The following KCNC1 variants were observed in gnomAD, a reference collection of about 807,000 sequenced individuals.
KCNC1 encodes the protein voltage-gated potassium channel KCNC1.
A neutral mutation model predicts 43.4 loss-of-function variants in KCNC1; 8 were observed. The observed-to-expected ratio is 0.18, with a 90% CI of 0.11 to 0.33. KCNC1 has a LOEUF of 0.33. Ranked by LOEUF, KCNC1 falls within the 10% of genes least tolerant of loss-of-function variation. The probability of loss-of-function intolerance (pLI) is 1.00; values close to 1 mark genes in which losing one functional copy is unlikely to be tolerated. For missense variants in KCNC1, 420 were observed against 836.0 expected (o/e 0.50, Z 6.14); for synonymous variants, 361 against 360.5 (o/e 1.00, Z -0.01).
rs1565160258 is a variant in KCNC1 at position 17,763,944 on chromosome 11, CA to C, written c.571-7720del. 6.2e-4 allele frequency among the ~76,000 whole-genome samples: 86 copies of C among 139,078 alleles called. 2 individuals are homozygous for C. Among genetic ancestry groups the C allele is most frequent in the Non-Finnish European group, 8.4e-4 (54 of 64,454 alleles). 91.2% of individuals were successfully genotyped at this position (139,078 alleles called of 152,430 possible). The stretch of plus-strand genomic sequence containing the variant: ...ATGCACATATACACGCCCACACACA[CA>C]CACACCCACACACAGCAGCCCACAC... On this transcript the variant is annotated intron_variant, in intron 1 of 3. Transcript: ENST00000265969.
At chr11:17,744,876 G>A (rs527667859) in intron 1 of KCNC1, among the ~76,000 whole-genome samples, 3 of 152,160 alleles carry the variant, frequency 2.0e-5, no homozygotes, top group South Asian at 2.1e-4. Context: ...TGGGAAACTC[G>A]ATTCTTAGAT....
At position 17,781,722 on chromosome 11, in the gene KCNC1, G is replaced by C; in HGVS notation, c.1746G>C (p.Val582=). 5 of 1,551,454 alleles carry C rather than the reference G, an allele frequency of 3.2e-6. No homozygotes were observed. Among genetic ancestry groups the C allele is most frequent in the Non-Finnish European group, 4.4e-6 (5 of 1,146,738 alleles). ...VIAKYMPTEA[V]RVT ...CTAAGTATATGCCGACAGAGGCTGT[G>C]AGAGTGACTTGACCAGGCGGCTTGG... The change falls in exon 4 of 4, where the codon GTG becomes GTC. Residue 582 remains valine (V), a synonymous_variant. Coordinates refer to ENST00000265969, the MANE Select transcript of KCNC1 (RefSeq NM_001112741.2). This position sits in a 1 kb window ranked among gnomAD's most constrained non-coding sequence, Gnocchi z 5.1.
In KCNC1 at chr11:17,772,516, T is replaced by G; in HGVS notation, c.1422T>G (p.Ser474=). The change falls in exon 2 of 4, where the codon TCT becomes TCG. Residue 474 remains serine (S), a synonymous_variant. Transcript: ENST00000265969. ...TGGGATCTCCCAATTATTGTAAATC[T>G]GTCGTAAACTCTCCACACCACAGTA... ...PQLGSPNYCK[S]VVNSPHHSTQ... 1 of 1,614,242 alleles carries G rather than the reference T, an allele frequency of 6.2e-7. No individual in the cohort carries two copies.
Position 17,779,560 on chromosome 11 carries a change from T to A in KCNC1, c.1609T>A (p.Ser537Thr), listed in dbSNP as rs1346560525. 4 of 1,551,428 alleles carry A rather than the reference T, an allele frequency of 2.6e-6. No homozygotes were observed. The highest frequency in any genetic ancestry group is 3.5e-6 in the Non-Finnish European group (4 of 1,146,928). The change falls in exon 3 of 4, where the codon TCG becomes ACG. Residue 537 changes from serine (S) to threonine (T), a missense_variant. Transcript: ENST00000265969. The surrounding 1 kb of genome is among the most constrained non-coding windows in gnomAD (Gnocchi z 7.2). ...TPDEGLPFTR[S>T]GTRERYGPCF... ...CGATGAGGGCCTGCCCTTTACGCGC[T>A]CGGGCACCCGCGAGAGATACGGACC...
intron 1 of KCNC1, among the ~76,000 whole-genome samples, chr11:17,764,289 TCACA>T (rs1479398037): frequency 1.6e-5 from 2 of 125,884 alleles, no homozygotes; most frequent in Non-Finnish European, 3.1e-5. Flanking sequence ...ATACACACAC[TCACA>T]CACACCACTT....
In KCNC1 at chr11:17,781,805, C is replaced by T. The variant is rs763970200; in HGVS notation, c.*71C>T. Reference sequence around the variant, plus strand: ...TGGACCTGCAGCCCCTCCTCACCCTCGGACAGAGTAAATTCACGCCATGCA... The same window carrying T: ...TGGACCTGCAGCCCCTCCTCACCCTTGGACAGAGTAAATTCACGCCATGCA... On this transcript the variant is annotated 3_prime_UTR_variant, in exon 4 of 4. Coordinates refer to ENST00000265969, the MANE Select transcript of KCNC1 (RefSeq NM_001112741.2). The surrounding 1 kb of genome is among the most constrained non-coding windows in gnomAD (Gnocchi z 5.1). 47 of 1,067,824 alleles carry T rather than the reference C, an allele frequency of 4.4e-5. No individual in the cohort carries two copies. The highest frequency in any genetic ancestry group is 9.6e-5 in the South Asian group (7 of 72,628). The allele number at this position is 1,067,824 out of a possible 1,614,324, so 66.1% of individuals were successfully genotyped here. A position where few individuals can be genotyped will look rare whatever the true frequency, so the allele number is the denominator to read the frequency against.
At position 17,777,154 on chromosome 11, in the gene KCNC1, C is replaced by T; in HGVS notation, c.1505-2302C>T. ...GCTGGGAGCCCCCAGGGCCTGGGGG[C>T]TTGTGGACAGAACCAGTGGGCGGGG... On this transcript the variant is annotated intron_variant, in intron 2 of 3. Transcript: ENST00000265969. This position sits in a 1 kb window ranked among gnomAD's most constrained non-coding sequence, Gnocchi z 4.3. The T allele has an allele frequency of 8.1e-6, 8 of 984,794 alleles. No individual in the cohort carries two copies. The highest frequency in any genetic ancestry group is 9.6e-6 in the Non-Finnish European group (8 of 829,722). The allele number at this position is 984,794 out of a possible 1,614,324, so 61.0% of individuals were successfully genotyped here. A position where few individuals can be genotyped will look rare whatever the true frequency, so the allele number is the denominator to read the frequency against.
Position 17,779,654 on chromosome 11 carries a change from G to C in KCNC1, c.1693+10G>C. On this transcript the variant is annotated intron_variant, in intron 3 of 3. Transcript: ENST00000265969. This position sits in a 1 kb window ranked among gnomAD's most constrained non-coding sequence, Gnocchi z 7.2. ...GGAGGAATGAGAAAGGGTATGTAGA[G>C]GAAGCTGGAGCACCGTGCATCGTCC... 6.6e-7 allele frequency: 1 copy of C among 1,521,494 alleles called. No individual in the cohort carries two copies. Among genetic ancestry groups the C allele is most frequent in the South Asian group, 1.2e-5 (1 of 80,288 alleles). 94.2% of individuals were successfully genotyped at this position (1,521,494 alleles called of 1,614,324 possible).
intron 1 of KCNC1, among the ~76,000 whole-genome samples, chr11:17,748,196 G>A (rs935263837): frequency 5.3e-5 from 8 of 152,138 alleles, no homozygotes; most frequent in Non-Finnish European, 7.3e-5. Context: ...GCAGGGAAGC[G>A]TCACTGTGAG....
In KCNC1 at chr11:17,781,574, TC is replaced by T. The variant is rs1234119397; in HGVS notation, c.1694-95del. On this transcript the variant is annotated intron_variant, in intron 3 of 3. Transcript: ENST00000265969. The surrounding 1 kb of genome is among the most constrained non-coding windows in gnomAD (Gnocchi z 5.1). ...TCTGCCTGCCTCTGCATGCGGCTGT[TC>T]TGTCTTTCCTCCTCCTTCTTAAAAA... The T allele has an allele frequency of 2.3e-6, 2 of 880,450 alleles. No individual in the cohort carries two copies. Among genetic ancestry groups the T allele is most frequent in the Non-Finnish European group, 3.7e-6 (2 of 547,842 alleles). 54.5% of individuals were successfully genotyped at this position (880,450 alleles called of 1,614,324 possible).
rs1006015645 is a variant in KCNC1 at position 17,772,078 on chromosome 11, T to C, written c.984T>C (p.Phe328=). The C allele has an allele frequency of 7.4e-6, 12 of 1,613,498 alleles. No homozygotes were observed. Among genetic ancestry groups the C allele is most frequent in the African/African-American group, 4.0e-5 (3 of 74,938 alleles). ...ILRIFKLTRH[F]VGLRVLGHTL... ...GCATCTTTAAGCTGACCCGCCACTT[T>C]GTGGGCCTGCGGGTCCTGGGCCACA... The change falls in exon 2 of 4, where the codon TTT becomes TTC. Residue 328 remains phenylalanine, a synonymous_variant. Coordinates refer to ENST00000265969, the MANE Select transcript of KCNC1 (RefSeq NM_001112741.2).
chr11:17,740,053 G>A (rs1242207543), intron 1 of KCNC1, among the ~76,000 whole-genome samples: 1 of 152,194 alleles, frequency 6.6e-6, no homozygotes, highest in Non-Finnish European at 1.5e-5. Flanking sequence ...GACGGGTGGT[G>A]AGGTCACCTT....
At chr11:17,747,388 G>A (rs887812684) in intron 1 of KCNC1, among the ~76,000 whole-genome samples, 12 of 152,192 alleles carry the variant, frequency 7.9e-5, no homozygotes, top group Admixed American at 2.0e-4. Flanking sequence ...AGGGAGGGCC[G>A]CTGACATCAG....
chr11:17,761,382 GT>G (rs746726170), intron 1 of KCNC1, among the ~76,000 whole-genome samples: 8 of 152,254 alleles, frequency 5.3e-5, no homozygotes, highest in Non-Finnish European at 7.3e-5. Flanking sequence ...GATGTTTGTT[GT>G]TTGTGCAGGG....
chr11:17,740,493 G>T (rs141876024), intron 1 of KCNC1, among the ~76,000 whole-genome samples: 1 of 152,192 alleles, frequency 6.6e-6, no homozygotes, highest in African/African-American at 2.4e-5. Context: ...GGGCTGCCTG[G>T]CTTGAAACCT....
At chr11:17,778,469 C>T (rs1052908108) in intron 2 of KCNC1, among the ~76,000 whole-genome samples, 23 of 152,258 alleles carry the variant, frequency 1.5e-4, no homozygotes, top group Admixed American at 1.1e-3. Context: ...ATGGGAGCCC[C>T]TCCCAAATCC....
rs184062581 is a variant in KCNC1 at position 17,736,990 on chromosome 11, C to G, written c.570+418C>G. 2.5e-3 allele frequency among the ~76,000 whole-genome samples: 381 copies of G among 152,270 alleles called. No homozygotes were observed. Among genetic ancestry groups the G allele is most frequent in the Non-Finnish European group, 4.4e-3 (302 of 68,036 alleles). The stretch of plus-strand genomic sequence containing the variant: ...GCACTGTCAAAGTATGGACTGCTCT[C>G]GAGATTTCAGTGTGGGGAGGGAAGC... On this transcript the variant is annotated intron_variant, in intron 1 of 3. Transcript: ENST00000265969. This position sits in a 1 kb window ranked among gnomAD's most constrained non-coding sequence, Gnocchi z 9.3.
chr11:17,761,688 C>T (rs1440663865), intron 1 of KCNC1, among the ~76,000 whole-genome samples: 5 of 152,306 alleles, frequency 3.3e-5, no homozygotes, highest in South Asian at 4.1e-4. Context: ...TACCGTGGTC[C>T]GTTAAGCATC....
Position 17,776,726 on chromosome 11 carries a change from A to T in KCNC1, c.1505-2730A>T. On this transcript the variant is annotated intron_variant, in intron 2 of 3. Transcript: ENST00000265969. This position sits in a 1 kb window ranked among gnomAD's most constrained non-coding sequence, Gnocchi z 4.4. ...AATGGAGGCTCCTAGCCACTATCTC[A>T]TCCAAAGGATGGGGCAGGGGCGGGG... The T allele has an allele frequency of 1.0e-6, 1 of 983,788 alleles. No individual in the cohort carries two copies. The highest frequency in any genetic ancestry group is 1.2e-6 in the Non-Finnish European group (1 of 828,564). 60.9% of individuals were successfully genotyped at this position (983,788 alleles called of 1,614,324 possible).
Sources: gnomAD v4.1 joint callset for allele counts (sites outside exome capture counted in the v4.1 genomes callset) on GRCh38, gnomAD v4.1.1 for gene constraint, Gnocchi (gnomAD v3.1) non-coding constraint, MANE v1.5 for transcripts, NCBI Gene and HGNC (gene_info 2026-07-23, HGNC 2026-07-21) for gene names.